The following RBFOX1 variants were observed in gnomAD, a reference collection of about 807,000 sequenced individuals.
RBFOX1 encodes RNA binding protein fox-1 homolog 1.
In RBFOX1, 8 loss-of-function variants were observed where a neutral mutation model predicts 57.7. The observed-to-expected ratio is 0.14, with a 90% CI of 0.08 to 0.25. RBFOX1 has a LOEUF of 0.25. Ranked by LOEUF, RBFOX1 falls within the 10% of genes least tolerant of loss-of-function variation. RBFOX1 has a pLI of 1.00. For missense variants in RBFOX1, 611 were observed against 548.5 expected (o/e 1.11, Z -1.14); for synonymous variants, 326 against 222.4 (o/e 1.47, Z -4.15).
chr16:6,040,749 C>A (rs1025073868), intron 1 of RBFOX1, among the ~76,000 whole-genome samples: 20 of 152,126 alleles, frequency 1.3e-4, no homozygotes, highest in Non-Finnish European at 2.4e-4. Context: ...CACCCACCAC[C>A]ATGCCTGGCA....
At chr16:6,783,660 A>G (rs1412510904) in intron 3 of RBFOX1, among the ~76,000 whole-genome samples, 2 of 152,100 alleles carry the variant, frequency 1.3e-5, no homozygotes, top group Non-Finnish European at 2.9e-5. Flanking sequence ...TCTTCGTACT[A>G]AAGATATGAG....
intron 3 of RBFOX1, among the ~76,000 whole-genome samples, chr16:5,622,786 G>A (rs1396110389): frequency 1.3e-5 from 2 of 152,174 alleles, no homozygotes; most frequent in East Asian, 1.9e-4. Flanking sequence ...TCCATATCTG[G>A]GGGTTTTGCA....
intron 1 of RBFOX1, among the ~76,000 whole-genome samples, chr16:6,129,758 A>AG (rs2096616729): frequency 6.6e-6 from 1 of 151,684 alleles, no homozygotes; most frequent in Non-Finnish European, 1.5e-5. Context: ...AAAAAAAAAA[A>AG]CCATAGATAA....
intron 4 of RBFOX1, among the ~76,000 whole-genome samples, chr16:6,002,062 C>T (rs2060610157): frequency 6.6e-6 from 1 of 150,480 alleles, no homozygotes; most frequent in Admixed American, 6.6e-5. Context: ...TCTTCAAACT[C>T]TTGGGCTCAA....
At chr16:5,430,667 T>C (rs532415139) in intron 1 of RBFOX1, among the ~76,000 whole-genome samples, 1 of 152,264 alleles carries the variant, frequency 6.6e-6, no homozygotes, top group Non-Finnish European at 1.5e-5. Context: ...GCTCAGGGCC[T>C]GGTCAAGGTA....
At chr16:6,193,416 A>ATATAG (rs1244009295) in intron 1 of RBFOX1, among the ~76,000 whole-genome samples, 9 of 123,390 alleles carry the variant, frequency 7.3e-5, no homozygotes, top group Non-Finnish European at 1.5e-4. Context: ...ATATATATAT[A>ATATAG]TATATATATA....
intron 3 of RBFOX1, among the ~76,000 whole-genome samples, chr16:6,867,538 G>A (rs1430351724): frequency 1.3e-5 from 2 of 152,054 alleles, no homozygotes; most frequent in African/African-American, 2.4e-5. Context: ...GGCCAACATG[G>A]CAAAACCTCA....
chr16:5,827,985 C>G (rs1016842348), intron 3 of RBFOX1, among the ~76,000 whole-genome samples: 8 of 139,566 alleles, frequency 5.7e-5, no homozygotes, highest in Admixed American at 7.6e-5. Flanking sequence ...ATGCATTCCT[C>G]TATGCATCCA....
At chr16:7,274,060 A>C (rs2095393211) in intron 4 of RBFOX1, among the ~76,000 whole-genome samples, 1 of 152,236 alleles carries the variant, frequency 6.6e-6, no homozygotes, top group Admixed American at 6.5e-5. Context: ...AAAGTACTAG[A>C]GAAAACATAA....
intron 4 of RBFOX1, among the ~76,000 whole-genome samples, chr16:7,380,377 A>T (rs2097765005): frequency 6.6e-6 from 1 of 152,236 alleles, no homozygotes; most frequent in Admixed American, 6.5e-5. Context: ...AAATATACAC[A>T]TTTAGAACAT....
At chr16:7,229,928 AAGGGAGAG>A in intron 4 of RBFOX1, among the ~76,000 whole-genome samples, 1 of 25,590 alleles carries the variant, frequency 3.9e-5, no homozygotes, top group African/African-American at 2.9e-4. Context: ...GAGAGGGAGG[AAGGGAGAG>A]AGAGGGAGGA....
chr16:7,137,490 C>T lies in RBFOX1; in HGVS notation c.27+85392C>T, dbSNP rs115746215. 4.2e-3 allele frequency among the ~76,000 whole-genome samples: 641 copies of T among 152,286 alleles called. 6 individuals are homozygous for T. The highest frequency in any genetic ancestry group is 0.015 in the African/African-American group (613 of 41,550). ...TGTCATTCTCTCTCTTGCCCGCTGC[C>T]AATGTAAGGAGTACCTTTCACCTTC... On this transcript the variant is annotated intron_variant, in intron 4 of 15. Coordinates refer to ENST00000550418, the MANE Select transcript of RBFOX1 (RefSeq NM_018723.4).
At chr16:6,919,813 G>A (rs998271187) in intron 3 of RBFOX1, among the ~76,000 whole-genome samples, 1 of 141,518 alleles carries the variant, frequency 7.1e-6, no homozygotes, top group Non-Finnish European at 1.5e-5. Context: ...ATAGTTCTGG[G>A]AGAACAAGTG....
At chr16:6,182,449 T>A (rs1193796103) in intron 1 of RBFOX1, among the ~76,000 whole-genome samples, 1 of 152,222 alleles carries the variant, frequency 6.6e-6, no homozygotes, top group Non-Finnish European at 1.5e-5. Context: ...GTTTATATAA[T>A]CAAACAGCTA....
chr16:7,086,664 T>C (rs1176859570), intron 4 of RBFOX1, among the ~76,000 whole-genome samples: 2 of 151,916 alleles, frequency 1.3e-5, no homozygotes, highest in Non-Finnish European at 2.9e-5. Context: ...TCAAGTTTTA[T>C]GCCTGCTGCA....
intron 4 of RBFOX1, among the ~76,000 whole-genome samples, chr16:7,516,832 A>C (rs781206494): frequency 6.6e-6 from 1 of 152,094 alleles, no homozygotes; most frequent in Non-Finnish European, 1.5e-5. Flanking sequence ...TCTGAGAACA[A>C]ACTTTTTTTT....
intron 3 of RBFOX1, among the ~76,000 whole-genome samples, chr16:6,802,090 C>G (rs1222739937): frequency 6.6e-6 from 1 of 151,930 alleles, no homozygotes; most frequent in East Asian, 1.9e-4. Flanking sequence ...CTTGTTTAAT[C>G]CTAAACAAGT....
chr16:7,160,821 C>T (rs892556760), intron 4 of RBFOX1, among the ~76,000 whole-genome samples: 1 of 143,362 alleles, frequency 7.0e-6, no homozygotes, highest in African/African-American at 2.8e-5. Flanking sequence ...CTCCCTCCTC[C>T]CTCCTCCCTC....
rs2094585899 is a variant in RBFOX1, at chr16:6,450,801, GTATATATATATATATACATATA to G, written c.-64+133758_-64+133779del. On this transcript the variant is annotated intron_variant, in intron 2 of 15. Coordinates refer to ENST00000550418, the MANE Select transcript of RBFOX1 (RefSeq NM_018723.4). ...TATATATATATATACATATATATAT[GTATATATATATATATACATATA>G]TATATATATATATGTGTATATATAT... is the stretch of plus-strand genomic sequence containing the variant. Among the ~76,000 whole-genome samples the G allele has an allele frequency of 1.2e-4, 2 of 16,462 alleles. 1 individual carries two copies. The highest frequency in any genetic ancestry group is 3.5e-3 in the South Asian group (2 of 566). The allele number at this position is 16,462 out of a possible 152,430, so 10.8% of individuals were successfully genotyped here. A position where few individuals can be genotyped will look rare whatever the true frequency, so the allele number is the denominator to read the frequency against.
Sources: allele counts gnomAD v4.1 joint callset (sites outside exome capture counted in the v4.1 genomes callset), GRCh38; gene constraint gnomAD v4.1.1; transcripts MANE v1.5; gene names NCBI Gene and HGNC (gene_info 2026-07-23, HGNC 2026-07-21).